Variants in VOPP1 observed in about 807,000 individuals in gnomAD.
VOPP1 encodes VOPP1 WW domain binding protein, also known as WW domain binding protein VOPP1.
A neutral mutation model predicts 23.5 loss-of-function variants in VOPP1; 8 were observed. The observed-to-expected ratio is 0.34, with a 90% confidence interval of 0.20 to 0.61. VOPP1 has a LOEUF of 0.61. VOPP1 is among the 20% of genes least tolerant of loss of function. The probability of loss-of-function intolerance (pLI) is 0.78; values close to 1 mark genes in which losing one functional copy is unlikely to be tolerated. For synonymous variants in VOPP1, 83 were observed against 97.3 expected, an observed-to-expected ratio of 0.85 and a Z score of 0.86; for missense variants, 174 against 238.1, an observed-to-expected ratio of 0.73 and a Z score of 1.77.
At chr7:55,522,870 G>A (rs367864027) in intron 1 of VOPP1, among the ~76,000 whole-genome samples, 3 of 152,340 alleles carry the variant, frequency 2.0e-5, no homozygotes, top group Admixed American at 6.5e-5. Flanking sequence ...CAGATCCAAA[G>A]CAGCCACTTG....
At chr7:55,459,612 T>G (rs953683384) in intron 4 of VOPP1, among the ~76,000 whole-genome samples, 1 of 152,164 alleles carries the variant, frequency 6.6e-6, no homozygotes, top group African/African-American at 2.4e-5. Flanking sequence ...GTTGTATGTG[T>G]CCAGGAATTT....
intron 1 of VOPP1, among the ~76,000 whole-genome samples, chr7:55,532,175 A>G (rs1013084953): frequency 6.6e-6 from 1 of 152,256 alleles, no homozygotes; most frequent in Non-Finnish European, 1.5e-5. Flanking sequence ...AAGTCTGACT[A>G]AAGGCTGAAT....
chr7:55,504,349 G>A (rs1411833843), intron 2 of VOPP1, among the ~76,000 whole-genome samples: 1 of 152,184 alleles, frequency 6.6e-6, no homozygotes. Flanking sequence ...ACTGGCCTTC[G>A]AATTAGCTAC....
At position 55,516,040 on chromosome 7, in the gene VOPP1, C is replaced by T. The variant is rs938630535; in HGVS notation, c.113+5032G>A. 1.1e-5 allele frequency: 11 copies of T among 985,344 alleles called. No homozygotes were observed. In the African/African-American group the frequency reaches 1.4e-4, roughly 13 times the overall value. 61.0% of individuals were successfully genotyped at this position (985,344 alleles called of 1,614,324 possible). A position where few individuals can be genotyped will look rare whatever the true frequency, so the allele number is the denominator to read the frequency against. ...AAGCGAGGCCCAAGCAGAAGCTCAA[C>T]TCGAGGAGAGAATGCAAGCCAAGGG... On this transcript the variant is annotated intron_variant, in intron 2 of 4. Transcript: ENST00000285279.
chr7:55,535,531 G>C (rs1336631425), intron 1 of VOPP1, among the ~76,000 whole-genome samples: 1 of 152,132 alleles, frequency 6.6e-6, no homozygotes, highest in Non-Finnish European at 1.5e-5. Context: ...CCGCCCCGCA[G>C]CCATTTCCAT....
downstream of VOPP1, among the ~76,000 whole-genome samples, chr7:55,468,913 G>A (rs568104825): frequency 2.0e-5 from 3 of 152,292 alleles, no homozygotes; most frequent in South Asian, 6.2e-4. Context: ...CAGTATTTGA[G>A]GATAAACTAA....
intron 1 of VOPP1, among the ~76,000 whole-genome samples, chr7:55,540,891 T>C (rs1220842808): frequency 6.6e-6 from 1 of 152,100 alleles, no homozygotes; most frequent in Non-Finnish European, 1.5e-5. Flanking sequence ...AAATACCATT[T>C]TAAAATACAA....
intron 1 of VOPP1, among the ~76,000 whole-genome samples, chr7:55,562,536 C>T (rs954332357): frequency 4.6e-5 from 7 of 152,204 alleles, no homozygotes; most frequent in East Asian, 1.9e-4. Flanking sequence ...TCTATCACAA[C>T]AGCAAGACAG....
intron 4 of VOPP1, among the ~76,000 whole-genome samples, chr7:55,482,345 GTA>G (rs1225253700): frequency 2.8e-5 from 3 of 106,276 alleles, no homozygotes; most frequent in African/African-American, 7.1e-5. Context: ...AAGAAGGGAG[GTA>G]TTTTTTTTTT....
intron 1 of VOPP1, among the ~76,000 whole-genome samples, chr7:55,567,504 T>C (rs964006922): frequency 5.3e-5 from 8 of 152,204 alleles, no homozygotes; most frequent in South Asian, 2.1e-4. Context: ...GCAGAGCTAA[T>C]CAAGTGAGCA....
chr7:55,462,505 T>C (rs1038305146), intron 4 of VOPP1, among the ~76,000 whole-genome samples: 6 of 152,160 alleles, frequency 3.9e-5, no homozygotes, highest in Admixed American at 2.6e-4. Context: ...TTCATTTGTG[T>C]TGTCTCATAG....
intron 1 of VOPP1, among the ~76,000 whole-genome samples, chr7:55,551,944 G>A (rs1275268638): frequency 6.7e-6 from 1 of 150,308 alleles, no homozygotes; most frequent in East Asian, 2.0e-4. Flanking sequence ...GGGGTCTGAG[G>A]CATGAGAATC....
intron 2 of VOPP1, among the ~76,000 whole-genome samples, chr7:55,501,264 G>A (rs978060439): frequency 3.3e-5 from 5 of 152,268 alleles, no homozygotes; most frequent in African/African-American, 1.2e-4. Context: ...AAAGGACGGC[G>A]TCGATTTGTA....
chr7:55,485,201 T>C (rs187727142), intron 4 of VOPP1, among the ~76,000 whole-genome samples: 63 of 152,270 alleles, frequency 4.1e-4, no homozygotes, highest in Admixed American at 8.5e-4. Flanking sequence ...TTTTCAGTAA[T>C]CATCATCACG....
At chr7:55,488,394 C>T (rs1412876160) in intron 4 of VOPP1, among the ~76,000 whole-genome samples, 2 of 152,176 alleles carry the variant, frequency 1.3e-5, no homozygotes, top group Non-Finnish European at 2.9e-5. Context: ...CTGAGCCCTT[C>T]GGCCAGCAGC....
chr7:55,495,328 C>A (rs1459420937), intron 3 of VOPP1, among the ~76,000 whole-genome samples: 1 of 152,212 alleles, frequency 6.6e-6, no homozygotes, highest in Non-Finnish European at 1.5e-5. Context: ...ACTCTGAAGG[C>A]ATTCTCTTTC....
At chr7:55,530,450 A>G (rs570288441) in intron 1 of VOPP1, among the ~76,000 whole-genome samples, 1 of 152,270 alleles carries the variant, frequency 6.6e-6, no homozygotes, top group Admixed American at 6.5e-5. Context: ...CTCACTTAAC[A>G]TTGTAACAAC....
chr7:55,452,592 A>G (rs553598393), intron 4 of VOPP1, among the ~76,000 whole-genome samples: 1 of 152,240 alleles, frequency 6.6e-6, no homozygotes, highest in Non-Finnish European at 1.5e-5. Flanking sequence ...AAGACTTGAA[A>G]GTCAAAATGA....
rs1029563464 is a variant in VOPP1, at chr7:55,549,024, TG to T, written c.54+23246del. Among the ~76,000 whole-genome samples, 5 of 152,180 alleles carry T rather than the reference TG, an allele frequency of 3.3e-5. 1 individual carries two copies. In the Middle Eastern group the frequency reaches 0.01, roughly 311 times the overall value. On this transcript the variant is annotated intron_variant, in intron 1 of 4. Coordinates refer to ENST00000285279, the MANE Select transcript of VOPP1 (RefSeq NM_030796.5). ...TGAGGGCAGACCCACCTATGAGGCA[TG>T]GAAGTTGGGAGATTTAAACACAGGG...
Sources: allele counts gnomAD v4.1 joint callset (sites outside exome capture counted in the v4.1 genomes callset), GRCh38; gene constraint gnomAD v4.1.1; transcripts MANE v1.5; gene names NCBI Gene and HGNC (gene_info 2026-07-23, HGNC 2026-07-21).